NTRK2: variants seen among roughly 807,000 people sequenced by gnomAD.
NTRK2 encodes BDNF/NT-3 growth factors receptor.
Under a neutral mutation model 94.5 loss-of-function variants are expected in NTRK2, and 13 were observed. The observed-to-expected ratio is 0.14, with a 90% CI of 0.09 to 0.22. The LOEUF (loss-of-function observed/expected upper bound fraction) is 0.22, where lower values mean the gene tolerates loss of function less well. Among genes scored for constraint, NTRK2 ranks in the 10% least tolerant of loss-of-function variants. The pLI, the probability that NTRK2 is intolerant of heterozygous loss-of-function variation, is 1.00. For missense variants in NTRK2, 639 were observed against 1,071.2 expected, an observed-to-expected ratio of 0.60 and a Z score of 5.63; for synonymous variants, 372 against 407.4, an observed-to-expected ratio of 0.91 and a Z score of 1.05.
At chr9:84,791,989 C>G (rs865874157) in intron 12 of NTRK2, among the ~76,000 whole-genome samples, 1 of 152,150 alleles carries the variant, frequency 6.6e-6, no homozygotes, top group Non-Finnish European at 1.5e-5. Flanking sequence ...CTGTGATTCC[C>G]CAGCCTGGGA....
At chr9:84,700,020 G>A (rs955526138) in intron 2 of NTRK2, among the ~76,000 whole-genome samples, 1 of 152,196 alleles carries the variant, frequency 6.6e-6, no homozygotes, top group Non-Finnish European at 1.5e-5. Flanking sequence ...CATGGAGGAT[G>A]CAAGGATAAT....
At chr9:84,735,147 G>A (rs1398816570) in intron 9 of NTRK2, among the ~76,000 whole-genome samples, 2 of 152,128 alleles carry the variant, frequency 1.3e-5, no homozygotes, top group African/African-American at 4.8e-5. Flanking sequence ...GAGGCTGGGA[G>A]TTCCAGGCCA....
intron 4 of NTRK2, among the ~76,000 whole-genome samples, chr9:84,705,440 T>G (rs1294596815): frequency 1.3e-5 from 2 of 152,186 alleles, no homozygotes. Flanking sequence ...TCTTCCTCCA[T>G]TTTGGCTTTT....
chr9:84,882,719 T>TGTGTGTGTGCGCGCGCGCGC (rs761042296), intron 14 of NTRK2, among the ~76,000 whole-genome samples: 23 of 145,830 alleles, frequency 1.6e-4, no homozygotes, highest in South Asian at 1.5e-3. Flanking sequence ...TGTGTGTGTG[T>TGTGTGTGTGCGCGCGCGCGC]GCGCGCGCGC....
intron 12 of NTRK2, among the ~76,000 whole-genome samples, chr9:84,765,694 T>C (rs1490699276): frequency 6.6e-6 from 1 of 152,146 alleles, no homozygotes; most frequent in African/African-American, 2.4e-5. Context: ...ACTAGTATTG[T>C]CTTGCCCCTG....
intron 14 of NTRK2, chr9:84,873,767 A>G: frequency 9.5e-7 from 1 of 1,056,692 alleles, no homozygotes; most frequent in African/African-American, 1.6e-5. Context: ...CCATTGGGTA[A>G]TATTATTCTT....
chr9:84,784,690 T>G (rs777805234), intron 12 of NTRK2, among the ~76,000 whole-genome samples: 4 of 152,154 alleles, frequency 2.6e-5, no homozygotes, highest in Non-Finnish European at 4.4e-5. Flanking sequence ...ACATGCAAGG[T>G]GCCAGCTAAG....
chr9:84,952,101 C>A (rs1396943887), intron 16 of NTRK2, among the ~76,000 whole-genome samples: 1 of 152,200 alleles, frequency 6.6e-6, no homozygotes, highest in Non-Finnish European at 1.5e-5. Flanking sequence ...ATTTATTGAA[C>A]TTTCTAAGCA....
intron 14 of NTRK2, among the ~76,000 whole-genome samples, chr9:84,878,147 C>G (rs2132176071): frequency 6.6e-6 from 1 of 152,172 alleles, no homozygotes; most frequent in Admixed American, 6.5e-5. Flanking sequence ...AAAGTGACAC[C>G]AGAAGTGTCA....
intron 10 of NTRK2, among the ~76,000 whole-genome samples, chr9:84,744,441 C>T (rs1000105974): frequency 1.3e-5 from 2 of 152,098 alleles, no homozygotes; most frequent in African/African-American, 4.8e-5. Flanking sequence ...CGTCTCTGCC[C>T]TTTGTGCAAA....
chr9:84,754,403 A>G (rs2064899249), intron 12 of NTRK2, among the ~76,000 whole-genome samples: 1 of 152,116 alleles, frequency 6.6e-6, no homozygotes, highest in Admixed American at 6.6e-5. Flanking sequence ...ATTGTTTTGC[A>G]AGTCAGATGT....
intron 2 of NTRK2, among the ~76,000 whole-genome samples, chr9:84,678,043 A>G (rs2059166113): frequency 6.6e-6 from 1 of 152,168 alleles, no homozygotes; most frequent in Non-Finnish European, 1.5e-5. Flanking sequence ...GTCTACACAC[A>G]CACACATAGA....
chr9:84,727,723 A>G lies in NTRK2; in HGVS notation c.923A>G (p.Lys308Arg). 1.2e-6 allele frequency: 2 copies of G among 1,613,992 alleles called. No homozygotes were observed. Among genetic ancestry groups the G allele is most frequent in the Non-Finnish European group, 1.7e-6 (2 of 1,180,030 alleles). The change falls in exon 9 of 19, where the codon AAA (lysine) becomes AGA (arginine). Residue 308 changes from lysine (K) to arginine (R), a missense_variant. By Grantham distance (26) the Lys-to-Arg change is conservative. Coordinates refer to ENST00000277120, the MANE Select transcript of NTRK2 (RefSeq NM_006180.6). ...DHHWCIPFTVKGNPKPALQWF... is the reference protein window; with the variant it reads ...DHHWCIPFTVRGNPKPALQWF... The stretch of plus-strand genomic sequence containing the variant: ...CACTGGTGCATTCCATTCACTGTGA[A>G]AGGCAACCCCAAACCAGCGCTTCAG...
At chr9:84,769,145 C>T (rs1306887083) in intron 12 of NTRK2, among the ~76,000 whole-genome samples, 1 of 152,074 alleles carries the variant, frequency 6.6e-6, no homozygotes, top group Non-Finnish European at 1.5e-5. Flanking sequence ...TTCTAGTCTT[C>T]CAGATGTGTT....
At chr9:84,836,662 A>G (rs1384117348) in intron 12 of NTRK2, among the ~76,000 whole-genome samples, 1 of 146,722 alleles carries the variant, frequency 6.8e-6, no homozygotes, top group Non-Finnish European at 1.5e-5. Flanking sequence ...GATGCCTTGG[A>G]TTTGGGGGAT....
Position 85,023,320 on chromosome 9 carries a change from A to C in NTRK2, c.*1883A>C, listed in dbSNP as rs200625833. 11 of 232,574 alleles carry C rather than the reference A, an allele frequency of 4.7e-5. No individual in the cohort carries two copies. In the South Asian group the frequency reaches 1.4e-3, roughly 31 times the overall value. The allele number at this position is 232,574 out of a possible 1,614,324, so 14.4% of individuals were successfully genotyped here. A position where few individuals can be genotyped will look rare whatever the true frequency, so the allele number is the denominator to read the frequency against. On this transcript the variant is annotated 3_prime_UTR_variant, in exon 19 of 19. Coordinates refer to ENST00000277120, the MANE Select transcript of NTRK2 (RefSeq NM_006180.6). ...GAGTGATTTTCATTCATCTTAGGTC[A>C]TGTTATTTCATATTTGTTTCTGAAG...
intron 17 of NTRK2, among the ~76,000 whole-genome samples, chr9:84,964,675 C>A (rs1328013763): frequency 6.6e-6 from 1 of 152,210 alleles, no homozygotes; most frequent in Non-Finnish European, 1.5e-5. Context: ...GGGCTCCCCA[C>A]TCTGTCTTTC....
chr9:84,991,487 G>A (rs1343398028), intron 17 of NTRK2, among the ~76,000 whole-genome samples: 2 of 152,062 alleles, frequency 1.3e-5, no homozygotes, highest in Non-Finnish European at 2.9e-5. Flanking sequence ...TCCCCTGGTC[G>A]GTTCTCAACC....
intron 12 of NTRK2, among the ~76,000 whole-genome samples, chr9:84,822,138 G>A (rs1436871151): frequency 6.6e-6 from 1 of 152,126 alleles, no homozygotes; most frequent in African/African-American, 2.4e-5. Flanking sequence ...GTATCAGAGA[G>A]TCTTTTTCTA....
Sources: gnomAD v4.1 joint callset for allele counts (sites outside exome capture counted in the v4.1 genomes callset) on GRCh38, gnomAD v4.1.1 for gene constraint, MANE v1.5 for transcripts, NCBI Gene and HGNC (gene_info 2026-07-23, HGNC 2026-07-21) for gene names.